Variants in MMP7 observed in about 807,000 individuals in gnomAD.
MMP7 encodes matrilysin.
Under a neutral mutation model 31.5 loss-of-function variants are expected in MMP7, and 26 were observed. The ratio of observed to expected loss-of-function variants is 0.83; its 90% CI spans 0.61 to 1.15. The LOEUF (loss-of-function observed/expected upper bound fraction) is 1.15, where lower values mean the gene tolerates loss of function less well. Ranked by LOEUF, MMP7 falls within the 50% of genes most tolerant of loss-of-function variation. MMP7 has a pLI of 0.00. For missense variants in MMP7, 367 were observed against 326.5 expected, an observed-to-expected ratio of 1.12 and a Z score of -0.96; for synonymous variants, 142 against 124.2, an observed-to-expected ratio of 1.14 and a Z score of -0.95.
chr11:102,521,605 A>G (rs1858614398), intron 5 of MMP7, among the ~76,000 whole-genome samples: 1 of 152,200 alleles, frequency 6.6e-6, no homozygotes, highest in African/African-American at 2.4e-5. Flanking sequence ...CTCCCTACAT[A>G]TACAGCCCAC....
At chr11:102,528,652 A>T (rs10502002) in intron 1 of MMP7, among the ~76,000 whole-genome samples, 6,610 of 151,998 alleles carry the variant, frequency 0.043, 223 homozygotes, top group Non-Finnish European at 0.063. Context: ...CTGCTGTTAA[A>T]TCTCTAGTCA....
chr11:102,526,867 A>G (rs1858678117), intron 3 of MMP7: 1 of 152,432 alleles, frequency 6.6e-6, no homozygotes, highest in Non-Finnish European at 1.5e-5. Context: ...ATGTTTAAAT[A>G]CGTTTAGACA....
intron 5 of MMP7, among the ~76,000 whole-genome samples, chr11:102,521,474 G>A (rs999387232): frequency 6.6e-6 from 1 of 152,206 alleles, no homozygotes; most frequent in Non-Finnish European, 1.5e-5. Context: ...GGGTAAAGGC[G>A]TGAGCCACCG....
In MMP7 at chr11:102,523,157, A is replaced by G. The variant is rs117337352; in HGVS notation, c.775+83T>C. 5.6e-3 allele frequency: 6,243 copies of G among 1,120,312 alleles called. 24 individuals carry two copies. Among genetic ancestry groups the G allele is most frequent in the Non-Finnish European group, 6.8e-3 (5,383 of 794,074 alleles). 69.4% of individuals were successfully genotyped at this position (1,120,312 alleles called of 1,614,324 possible). A position where few individuals can be genotyped will look rare whatever the true frequency, so the allele number is the denominator to read the frequency against. ...AGTTCCAGTGTGGTTTTCCAGGTAAATACCCATTTCCCAGCCTTTCTTTTC... is the reference window on the plus strand; with the variant it reads ...AGTTCCAGTGTGGTTTTCCAGGTAAGTACCCATTTCCCAGCCTTTCTTTTC... On this transcript the variant is annotated intron_variant, in intron 5 of 5. Coordinates refer to ENST00000260227, the MANE Select transcript of MMP7 (RefSeq NM_002423.5).
rs1269255703 is a variant in MMP7, at chr11:102,527,673, C to A, written c.336-1G>T. 1 of 1,613,542 alleles carries A rather than the reference C, an allele frequency of 6.2e-7. No individual in the cohort carries two copies. The highest frequency in any genetic ancestry group is 1.7e-5 in the Admixed American group (1 of 59,952). ...TAAGTCTCGAGTATATGATACGATC[C>A]TAGTAGCAAACAAGAAAACAATGTT... On this transcript the variant is annotated splice_acceptor_variant, in intron 2 of 5. Coordinates refer to ENST00000260227, the MANE Select transcript of MMP7 (RefSeq NM_002423.5). LOFTEE classifies it high-confidence loss of function.
rs567493674 is a variant in MMP7 at position 102,520,814 on chromosome 11, GA to G, written c.776-11del. 453 of 1,498,370 alleles carry G rather than the reference GA, an allele frequency of 3.0e-4. 1 individual carries two copies. The African/African-American group carries it at 4.3e-3, about 14-fold the overall frequency. The allele number at this position is 1,498,370 out of a possible 1,614,324, so 92.8% of individuals were successfully genotyped here. On this transcript the variant is annotated splice_polypyrimidine_tract_variant and intron_variant, in intron 5 of 5. Transcript: ENST00000260227. ...GAATTACTTCTCTTTCCTATTGAGAGAAAAAAAAAGAACATTCTGATATGTA... is the reference window on the plus strand; with the variant it reads ...GAATTACTTCTCTTTCCTATTGAGAGAAAAAAAAGAACATTCTGATATGTA...
rs751214292 is a variant in MMP7, at chr11:102,530,618, C to T, written c.83G>A (p.Ser28Asn). 15 of 1,613,942 alleles carry T rather than the reference C, an allele frequency of 9.3e-6. No individual in the cohort carries two copies. The highest frequency in any genetic ancestry group is 1.3e-5 in the Non-Finnish European group (15 of 1,179,968). ...CTGAGCCTGTTCCCACTGTAGCTCACTCATGCCTCCCGCCTCCTGAGGCAG... is the reference window on the plus strand; with the variant it reads ...CTGAGCCTGTTCCCACTGTAGCTCATTCATGCCTCCCGCCTCCTGAGGCAG... ...LPLPQEAGGM[S>N]ELQWEQAQDY... The change falls in exon 1 of 6, where the codon AGT (serine) becomes AAT (asparagine). Residue 28 changes from serine to asparagine, a missense_variant. Ser to Asn is a conservative substitution (Grantham distance 46, BLOSUM62 1). Coordinates refer to ENST00000260227, the MANE Select transcript of MMP7 (RefSeq NM_002423.5).
In MMP7 at chr11:102,527,531, C is replaced by G; in HGVS notation, c.477G>C (p.Ala159=). Residue 159 remains alanine, a synonymous_variant, in exon 3 of 6, where the codon GCG becomes GCC. Coordinates refer to ENST00000260227, the MANE Select transcript of MMP7 (RefSeq NM_002423.5). ...WGTADIMIGF[A]RGAHGDSYPF... is the part of the protein sequence containing the mutation. ...TACAGGAATCTTTCTTACCTCCTCGCGCAAAGCCAATCATGATGTCAGCAG... is the reference window on the plus strand; with the variant it reads ...TACAGGAATCTTTCTTACCTCCTCGGGCAAAGCCAATCATGATGTCAGCAG... The G allele has an allele frequency of 6.2e-7, 1 of 1,614,132 alleles. No individual in the cohort carries two copies. Among genetic ancestry groups the G allele is most frequent in the Non-Finnish European group, 8.5e-7 (1 of 1,179,986 alleles).
chr11:102,527,903 T>C lies in MMP7; in HGVS notation c.189A>G (p.Gln63=), dbSNP rs12289049. Residue 63 remains glutamine, a synonymous_variant, in exon 2 of 6, where the codon CAA becomes CAG. Transcript: ENST00000260227. The stretch of plus-strand genomic sequence containing the variant: ...CAGTTATAGGTAGGCCAAAGAATTT[T>C]TGCATCTCCTTGAGTTTGGCTTCTA... ...NSLEAKLKEM[Q]KFFGLPITGM... is the part of the protein sequence containing the mutation. 1.4e-4 allele frequency: 222 copies of C among 1,614,192 alleles called. No individual in the cohort carries two copies. The African/African-American group carries it at 2.8e-3, about 20-fold the overall frequency.
intron 3 of MMP7, 96 bp downstream of exon 3, chr11:102,527,428 A>G (rs1270685470): frequency 2.1e-6 from 3 of 1,414,592 alleles, no homozygotes; most frequent in South Asian, 2.3e-5. Context: ...ATCATATCTC[A>G]TTAAAGGATT....
In MMP7 at chr11:102,525,036, C is replaced by A. The variant is rs368676263; in HGVS notation, c.513G>T (p.Gly171=). ...GAHGDSYPFD[G]PGNTLAHAFA... ...AGGCATGAGCCAGCGTGTTTCCTGG[C>A]CCATCAAATGGGTAGGAGTCCCCAT... The change falls in exon 4 of 6, where the codon GGG becomes GGT. Residue 171 remains glycine (G), a synonymous_variant. Transcript: ENST00000260227. 5 of 1,612,792 alleles carry A rather than the reference C, an allele frequency of 3.1e-6. No homozygotes were observed. The highest frequency in any genetic ancestry group is 4.2e-6 in the Non-Finnish European group (5 of 1,179,582).
At position 102,521,484 on chromosome 11, in the gene MMP7, G is replaced by A. The variant is rs1030905089; in HGVS notation, c.776-680C>T. Among the ~76,000 whole-genome samples the A allele has an allele frequency of 2.6e-5, 4 of 152,174 alleles. No homozygotes were observed. In the South Asian group the frequency reaches 6.2e-4, roughly 24 times the overall value. On this transcript the variant is annotated intron_variant, in intron 5 of 5. Coordinates refer to ENST00000260227, the MANE Select transcript of MMP7 (RefSeq NM_002423.5). ...GTGCTGGGTAAAGGCGTGAGCCACCGCGCCCAGCCAGCTATTATTTTTATC... is the reference window on the plus strand; with the variant it reads ...GTGCTGGGTAAAGGCGTGAGCCACCACGCCCAGCCAGCTATTATTTTTATC...
intron 5 of MMP7, 77 bp from the exon 6 acceptor site, chr11:102,520,881 G>T: frequency 1.1e-6 from 1 of 945,422 alleles, no homozygotes; most frequent in Non-Finnish European, 1.6e-6. Context: ...ACAGGCAAAG[G>T]AAATGTCACA....
intron 2 of MMP7, 32 bp downstream of exon 2, chr11:102,527,724 GT>G: frequency 6.2e-7 from 1 of 1,613,616 alleles, no homozygotes; most frequent in Non-Finnish European, 8.5e-7. Context: ...AGGCTTTATT[GT>G]TTTTGCCAAA....
chr11:102,525,009 A>C lies in MMP7; in HGVS notation c.540T>G (p.Phe180Leu). ...CTCCTCCGAGACCTGTCCCAGGCGCAAAGGCATGAGCCAGCGTGTTTCCTG... is the reference window on the plus strand; with the variant it reads ...CTCCTCCGAGACCTGTCCCAGGCGCCAAGGCATGAGCCAGCGTGTTTCCTG... ...DGPGNTLAHA[F>L]APGTGLGGDA... Residue 180 changes from phenylalanine to leucine, a missense_variant, in exon 4 of 6, where the codon TTT (phenylalanine) becomes TTG (leucine). Coordinates refer to ENST00000260227, the MANE Select transcript of MMP7 (RefSeq NM_002423.5). 6.2e-7 allele frequency: 1 copy of C among 1,614,040 alleles called. No individual in the cohort carries two copies. The highest frequency in any genetic ancestry group is 8.5e-7 in the Non-Finnish European group (1 of 1,179,974).
chr11:102,528,134 C>CTT, intron 1 of MMP7, 151 bp from the exon 2 acceptor site: 4 of 657,652 alleles, frequency 6.1e-6, no homozygotes, highest in Non-Finnish European at 7.6e-6. Flanking sequence ...AATAAGTGTG[C>CTT]ATTAGTGAGG....
chr11:102,521,226 C>T (rs190312936), intron 5 of MMP7, among the ~76,000 whole-genome samples: 5 of 152,296 alleles, frequency 3.3e-5, no homozygotes, highest in African/African-American at 1.2e-4. Context: ...GAGATGGAGT[C>T]TCACTCTGTT....
In MMP7 at chr11:102,523,315, G is replaced by T. The variant is rs1434073692; in HGVS notation, c.700C>A (p.Pro234Thr). The T allele has an allele frequency of 6.2e-7, 1 of 1,612,876 alleles. No individual in the cohort carries two copies. The highest frequency in any genetic ancestry group is 8.5e-7 in the Non-Finnish European group (1 of 1,179,358). ...TGGGGATCTCCATTTCCATAGGTTG[G>T]ATACATCACTGCATTAGGATCAGAG... ...HSSDPNAVMY[P>T]TYGNGDPQNF... Residue 234 changes from proline to threonine, a missense_variant, in exon 5 of 6, where the codon CCA becomes ACA. Coordinates refer to ENST00000260227, the MANE Select transcript of MMP7 (RefSeq NM_002423.5).
chr11:102,530,608 C>T lies in MMP7; in HGVS notation c.93G>A (p.Gln31=), dbSNP rs889336786. 3 of 1,613,832 alleles carry T rather than the reference C, an allele frequency of 1.9e-6. No individual in the cohort carries two copies. Among genetic ancestry groups the T allele is most frequent in the Admixed American group, 1.7e-5 (1 of 60,008 alleles). The change falls in exon 1 of 6, where the codon CAG becomes CAA. Residue 31 remains glutamine, a synonymous_variant. Coordinates refer to ENST00000260227, the MANE Select transcript of MMP7 (RefSeq NM_002423.5). The part of the protein sequence containing the change: ...PQEAGGMSEL[Q]WEQAQDYLKR... ...TGTGACATACCTGAGCCTGTTCCCA[C>T]TGTAGCTCACTCATGCCTCCCGCCT... is the stretch of plus-strand genomic sequence containing the variant.
Sources: gnomAD v4.1 joint callset for allele counts (sites outside exome capture counted in the v4.1 genomes callset) on GRCh38, gnomAD v4.1.1 for gene constraint, MANE v1.5 for transcripts, NCBI Gene and HGNC (gene_info 2026-07-23, HGNC 2026-07-21) for gene names.